The following EPM2A variants were observed in gnomAD, a reference collection of about 807,000 sequenced individuals.
EPM2A encodes laforin.
A neutral mutation model predicts 26.5 loss-of-function variants in EPM2A; 21 were observed. The ratio of observed to expected loss-of-function variants is 0.79; its 90% CI spans 0.56 to 1.14. EPM2A has a LOEUF of 1.14. Among genes scored for constraint, EPM2A ranks in the 50% most tolerant of loss-of-function variants. The probability of loss-of-function intolerance (pLI) is 0.00; values close to 1 mark genes in which losing one functional copy is unlikely to be tolerated. For synonymous variants in EPM2A, 217 were observed against 177.6 expected (o/e 1.22, Z -1.76); for missense variants, 458 against 440.8 (o/e 1.04, Z -0.35).
rs367957406 is a variant in EPM2A, at chr6:145,653,474, AG to A, written c.477-17989del. Among the ~76,000 whole-genome samples, 151 of 152,326 alleles carry A rather than the reference AG, an allele frequency of 9.9e-4. 1 individual carries two copies. The highest frequency in any genetic ancestry group is 3.5e-3 in the African/African-American group (144 of 41,586). On this transcript the variant is annotated intron_variant, in intron 2 of 3. Coordinates refer to ENST00000367519, the MANE Select transcript of EPM2A (RefSeq NM_005670.4). Reference sequence around the variant, plus strand: ...TTTTCTTTATAAATTAGCCAGTCTCAGGGAAGTTCTTTATAGCAGTGTGAGA... The same window carrying A: ...TTTTCTTTATAAATTAGCCAGTCTCAGGAAGTTCTTTATAGCAGTGTGAGA...
chr6:145,548,472 T>C (rs1241722528), intron 2 of EPM2A, among the ~76,000 whole-genome samples: 3 of 152,256 alleles, frequency 2.0e-5, no homozygotes, highest in African/African-American at 7.2e-5. Flanking sequence ...AACTCGGGCA[T>C]GACAAGGTCC....
intron 2 of EPM2A, among the ~76,000 whole-genome samples, chr6:145,562,653 TC>T (rs1418971286): frequency 6.6e-6 from 1 of 152,054 alleles, no homozygotes; most frequent in Non-Finnish European, 1.5e-5. Flanking sequence ...AGGCCACCAG[TC>T]CCCTGCCCAC....
chr6:145,586,975 A>G (rs549185709), intron 2 of EPM2A, among the ~76,000 whole-genome samples: 1 of 152,342 alleles, frequency 6.6e-6, no homozygotes, highest in Non-Finnish European at 1.5e-5. Context: ...TAATTGCCAA[A>G]TTCAATGACT....
intron 2 of EPM2A, among the ~76,000 whole-genome samples, chr6:145,599,901 C>T (rs1440645494): frequency 6.6e-6 from 1 of 152,048 alleles, no homozygotes; most frequent in Admixed American, 6.5e-5. Flanking sequence ...AACACTGTTA[C>T]ATTTTTCTTC....
At chr6:145,476,985 C>G (rs1487119500) in intron 4 of EPM2A, among the ~76,000 whole-genome samples, 1 of 151,396 alleles carries the variant, frequency 6.6e-6, no homozygotes, top group Non-Finnish European at 1.5e-5. Context: ...GAAAAAAATA[C>G]AAAACATCAA....
rs117168987 is a variant in EPM2A at position 145,627,048 on chromosome 6, C to T, written c.*368G>A. 16,485 of 1,164,056 alleles carry T rather than the reference C, an allele frequency of 0.014. 135 individuals are homozygous for T. The highest frequency in any genetic ancestry group is 0.017 in the Admixed American group (398 of 23,024). The allele number at this position is 1,164,056 out of a possible 1,614,324, so 72.1% of individuals were successfully genotyped here. Reference sequence around the variant, plus strand: ...CTCCATATCTTTTCCTCTACATGGCCAAGAGTTTCAGTGCAACAGGAAAGT... The same window carrying T: ...CTCCATATCTTTTCCTCTACATGGCTAAGAGTTTCAGTGCAACAGGAAAGT... On this transcript the variant is annotated 3_prime_UTR_variant, in exon 4 of 4. Transcript: ENST00000367519.
At chr6:145,715,373 A>G (rs777100056) in intron 1 of EPM2A, among the ~76,000 whole-genome samples, 1 of 152,144 alleles carries the variant, frequency 6.6e-6, no homozygotes, top group Non-Finnish European at 1.5e-5. Flanking sequence ...GGAGGAAAAC[A>G]AAGGACCTGG....
intron 4 of EPM2A, among the ~76,000 whole-genome samples, chr6:145,489,066 C>T (rs1779721458): frequency 6.6e-6 from 1 of 152,070 alleles, no homozygotes; most frequent in Non-Finnish European, 1.5e-5. Context: ...TCTTAACATT[C>T]TCGAAATTTT....
downstream of EPM2A, among the ~76,000 whole-genome samples, chr6:145,620,492 TTTAGA>T (rs1325639843): frequency 6.6e-6 from 1 of 152,206 alleles, no homozygotes; most frequent in African/African-American, 2.4e-5. Flanking sequence ...TATTTCCATC[TTTAGA>T]TTAGTCATTT....
Position 145,626,275 on chromosome 6 carries a change from C to A in EPM2A, c.*1141G>T. ...TTCCTGTAGAACCTAGGGTGATGAG[C>A]TGCATAGTCTGGAGGCACAGGAACT... On this transcript the variant is annotated 3_prime_UTR_variant, in exon 4 of 4. Transcript: ENST00000367519. 1 of 987,720 alleles carries A rather than the reference C, an allele frequency of 1.0e-6. No homozygotes were observed. Among genetic ancestry groups the A allele is most frequent in the Non-Finnish European group, 1.2e-6 (1 of 831,334 alleles). 61.2% of individuals were successfully genotyped at this position (987,720 alleles called of 1,614,324 possible).
chr6:145,698,181 C>A (rs1262030117), intron 1 of EPM2A, among the ~76,000 whole-genome samples: 1 of 152,136 alleles, frequency 6.6e-6, no homozygotes. Context: ...ACAATTTGTT[C>A]TCAACAATTA....
At chr6:145,589,915 G>C (rs1409921841) in intron 2 of EPM2A, among the ~76,000 whole-genome samples, 1 of 147,852 alleles carries the variant, frequency 6.8e-6, no homozygotes, top group Non-Finnish European at 1.5e-5. Flanking sequence ...AAAAAAGAAA[G>C]AATACTCCCA....
chr6:145,584,892 G>A (rs6918814), intron 2 of EPM2A, among the ~76,000 whole-genome samples: 74,009 of 151,900 alleles, frequency 0.49, 18,605 homozygotes, highest in African/African-American at 0.61. Context: ...ATGTCCCTCC[G>A]GGCTGCATTT....
chr6:145,422,660 C>T lies in EPM2A; in HGVS notation c.556-38563G>A, dbSNP rs553759633. 2.0e-5 allele frequency among the ~76,000 whole-genome samples: 3 copies of T among 152,198 alleles called. No homozygotes were observed. In the South Asian group the frequency reaches 6.2e-4, roughly 32 times the overall value. On this transcript the variant is annotated intron_variant, in intron 4 of 4. Transcript: ENST00000638717. ...GCAGGGCTCTAAAGGTTTTCAGCTA[C>T]TACCCCAACTCTATTACCACCATTT...
chr6:145,412,029 C>A (rs1206221504), intron 4 of EPM2A, among the ~76,000 whole-genome samples: 1 of 151,930 alleles, frequency 6.6e-6, no homozygotes. Context: ...GCCAGCCTGG[C>A]AAACATAGTG....
chr6:145,715,499 A>G (rs1433916182), intron 1 of EPM2A, among the ~76,000 whole-genome samples: 1 of 152,200 alleles, frequency 6.6e-6, no homozygotes, highest in Non-Finnish European at 1.5e-5. Flanking sequence ...GAAAGATGTT[A>G]TTTGAGGATA....
intron 2 of EPM2A, among the ~76,000 whole-genome samples, chr6:145,539,972 T>A (rs766965132): frequency 1.3e-5 from 2 of 152,172 alleles, no homozygotes; most frequent in Admixed American, 1.3e-4. Flanking sequence ...ACAGCTACTA[T>A]GACTCAGAGC....
intron 2 of EPM2A, among the ~76,000 whole-genome samples, chr6:145,533,652 C>A (rs1032266998): frequency 6.6e-6 from 1 of 152,088 alleles, no homozygotes; most frequent in African/African-American, 2.4e-5. Flanking sequence ...CCACCCTCAA[C>A]CTCTTGCATG....
intron 1 of EPM2A, among the ~76,000 whole-genome samples, chr6:145,732,991 T>C (rs961838088): frequency 6.6e-6 from 1 of 152,254 alleles, no homozygotes; most frequent in East Asian, 1.9e-4. Context: ...TCCAGAATCC[T>C]TGCTCTTAAA....
Sources: allele counts gnomAD v4.1 joint callset (sites outside exome capture counted in the v4.1 genomes callset), GRCh38; gene constraint gnomAD v4.1.1; transcripts MANE v1.5; gene names NCBI Gene and HGNC (gene_info 2026-07-23, HGNC 2026-07-21).